Variants in AKAP12 observed in about 807,000 individuals in gnomAD.
The protein encoded by AKAP12 is A-kinase anchor protein 12.
A neutral mutation model predicts 79.9 loss-of-function variants in AKAP12; 32 were observed. The ratio of observed to expected loss-of-function variants is 0.40; its 90% CI spans 0.30 to 0.54. The LOEUF (loss-of-function observed/expected upper bound fraction) is 0.54, where lower values mean the gene tolerates loss of function less well. Ranked by LOEUF, AKAP12 falls within the 20% of genes least tolerant of loss-of-function variation. AKAP12 has a pLI of 0.48. For missense variants in AKAP12, 2,074 were observed against 2,177.0 expected (o/e 0.95, Z 0.94); for synonymous variants, 808 against 857.0 (o/e 0.94, Z 1.00).
At position 151,346,167 on chromosome 6, in the gene AKAP12, A is replaced by G. The variant is rs114119568; in HGVS notation, c.320-2544A>G. 3.3e-3 allele frequency among the ~76,000 whole-genome samples: 510 copies of G among 152,254 alleles called. 3 individuals carry two copies. Among genetic ancestry groups the G allele is most frequent in the African/African-American group, 0.012 (496 of 41,544 alleles). On this transcript the variant is annotated intron_variant, in intron 3 of 4. Transcript: ENST00000402676. ...CCTAACAAATATCCAATTCAGGATC[A>G]TGCCAGGTACCTCTGGTTGTTGTGT...
At chr6:151,329,930 A>C (rs767652862) in intron 3 of AKAP12, among the ~76,000 whole-genome samples, 6 of 152,126 alleles carry the variant, frequency 3.9e-5, no homozygotes, top group Non-Finnish European at 8.8e-5. Context: ...CTTGCAAAAG[A>C]CCTCTTTCTC....
chr6:151,341,984 G>A (rs1777962934), intron 3 of AKAP12, among the ~76,000 whole-genome samples: 2 of 152,260 alleles, frequency 1.3e-5, no homozygotes, highest in Admixed American at 6.5e-5. Context: ...TGGGTCCCGT[G>A]ACAGGTGCCA....
In AKAP12 at chr6:151,357,709, ATTTTTTTTTT is replaced by A. The variant is rs33929436; in HGVS notation, c.*2007_*2016del. On this transcript the variant is annotated 3_prime_UTR_variant, in exon 5 of 5. Coordinates refer to ENST00000402676, the MANE Select transcript of AKAP12 (RefSeq NM_005100.4). The stretch of plus-strand genomic sequence containing the variant: ...AAAAAACCTCTGATATATATATATA[ATTTTTTTTTT>A]TTTTTTTTTTTGGCCAACTGAGATT... 2.9e-5 allele frequency: 3 copies of A among 102,700 alleles called. No homozygotes were observed. Among genetic ancestry groups the A allele is most frequent in the Non-Finnish European group, 4.2e-5 (2 of 47,758 alleles). The allele number at this position is 102,700 out of a possible 1,614,324, so 6.4% of individuals were successfully genotyped here. A position where few individuals can be genotyped will look rare whatever the true frequency, so the allele number is the denominator to read the frequency against.
intron 3 of AKAP12, chr6:151,324,838 C>T: frequency 7.1e-6 from 7 of 985,408 alleles, no homozygotes; most frequent in Non-Finnish European, 8.4e-6. Context: ...AAACCTGAAG[C>T]TTCAATGAGA....
At chr6:151,247,755 C>T (rs567706366) in intron 2 of AKAP12, among the ~76,000 whole-genome samples, 53 of 152,206 alleles carry the variant, frequency 3.5e-4, no homozygotes, top group Non-Finnish European at 7.5e-4. Context: ...ACCCGGGATC[C>T]TCTCCCGTTC....
At chr6:151,282,053 C>A (rs986890104) in intron 2 of AKAP12, among the ~76,000 whole-genome samples, 1 of 151,668 alleles carries the variant, frequency 6.6e-6, no homozygotes, top group African/African-American at 2.4e-5. Context: ...TCCTCTTCCC[C>A]CTCCTGTTCC....
chr6:151,323,432 T>A (rs1238633468), intron 3 of AKAP12, among the ~76,000 whole-genome samples: 1 of 151,866 alleles, frequency 6.6e-6, no homozygotes, highest in African/African-American at 2.4e-5. Context: ...GCGCCTGTAA[T>A]CCCAGCTACT....
chr6:151,255,004 T>C (rs1797263848), intron 2 of AKAP12, among the ~76,000 whole-genome samples: 2 of 152,164 alleles, frequency 1.3e-5, no homozygotes, highest in Non-Finnish European at 2.9e-5. Flanking sequence ...CCCAGAATGC[T>C]TTAGTTGTAG....
intron 3 of AKAP12, among the ~76,000 whole-genome samples, chr6:151,330,291 C>A (rs973279477): frequency 6.6e-6 from 1 of 152,106 alleles, no homozygotes; most frequent in African/African-American, 2.4e-5. Context: ...CTGTCCCTAC[C>A]CCACCCCCCA....
intron 3 of AKAP12, among the ~76,000 whole-genome samples, chr6:151,315,597 C>T (rs892673064): frequency 1.3e-5 from 2 of 152,122 alleles, no homozygotes; most frequent in African/African-American, 4.8e-5. Context: ...ACTGACTCAC[C>T]TTGAGTGTAA....
intron 2 of AKAP12, among the ~76,000 whole-genome samples, chr6:151,297,019 G>GGT (rs762829492): frequency 7.8e-6 from 1 of 127,656 alleles, no homozygotes; most frequent in African/African-American, 2.9e-5. Context: ...AAATAAAAGG[G>GGT]TTTTTTTTTT....
intron 3 of AKAP12, among the ~76,000 whole-genome samples, chr6:151,326,207 C>A (rs927970024): frequency 2.6e-5 from 4 of 152,164 alleles, no homozygotes; most frequent in Non-Finnish European, 4.4e-5. Context: ...TGGAGAGGAA[C>A]AACAGCAGCC....
intron 3 of AKAP12, chr6:151,323,680 G>A (rs764664170): frequency 1.2e-5 from 12 of 983,916 alleles, no homozygotes; most frequent in Non-Finnish European, 1.4e-5. Flanking sequence ...TATTAAATGT[G>A]TAACTAGTGA....
chr6:151,255,869 C>T (rs1797283049), intron 2 of AKAP12, among the ~76,000 whole-genome samples: 1 of 152,102 alleles, frequency 6.6e-6, no homozygotes, highest in Non-Finnish European at 1.5e-5. Context: ...GAAGGGAAAA[C>T]CAGAGAGAGC....
intron 2 of AKAP12, among the ~76,000 whole-genome samples, chr6:151,278,284 C>G (rs572214040): frequency 6.6e-6 from 1 of 152,256 alleles, no homozygotes; most frequent in East Asian, 1.9e-4. Context: ...GGTGCGATCT[C>G]GGCTCACTGC....
At chr6:151,323,037 A>G (rs1777436367) in intron 3 of AKAP12, among the ~76,000 whole-genome samples, 1 of 152,228 alleles carries the variant, frequency 6.6e-6, no homozygotes, top group South Asian at 2.1e-4. Flanking sequence ...CCTGCATTGG[A>G]CAGTGACCTT....
At chr6:151,261,317 T>G (rs1441044462) in intron 2 of AKAP12, among the ~76,000 whole-genome samples, 1 of 150,652 alleles carries the variant, frequency 6.6e-6, no homozygotes, top group Non-Finnish European at 1.5e-5. Context: ...GTTGCAGTGA[T>G]CCGAGATTGT....
intron 2 of AKAP12, 72 bp from the exon 3 acceptor site, chr6:151,305,675 A>C: frequency 7.1e-7 from 1 of 1,410,868 alleles, no homozygotes; most frequent in Middle Eastern, 1.8e-4. Flanking sequence ...TGTATTCTGG[A>C]AGTTAATGCC....
chr6:151,343,844 T>C (rs1334238434), intron 3 of AKAP12: 2 of 394,664 alleles, frequency 5.1e-6, no homozygotes, highest in Non-Finnish European at 9.6e-6. Flanking sequence ...AGCCTTTGGA[T>C]TTAACTATAA....
Sources: allele counts gnomAD v4.1 joint callset (sites outside exome capture counted in the v4.1 genomes callset), GRCh38; gene constraint gnomAD v4.1.1; transcripts MANE v1.5; gene names NCBI Gene and HGNC (gene_info 2026-07-23, HGNC 2026-07-21).